DNAH9: variants seen among roughly 807,000 people sequenced by gnomAD.
The protein encoded by DNAH9 is DNAH9 variant protein.
Under a neutral mutation model 471.6 loss-of-function variants are expected in DNAH9, and 345 were observed. The ratio of observed to expected loss-of-function variants is 0.73; its 90% CI spans 0.67 to 0.80. The LOEUF is 0.80. Among genes scored for constraint, DNAH9 ranks in the 30% least tolerant of loss-of-function variants. The pLI is 0.00. For missense variants in DNAH9, 5,407 were observed against 5,609.2 expected (o/e 0.96, Z 1.15); for synonymous variants, 2,093 against 2,123.6 (o/e 0.99, Z 0.40).
At chr17:11,694,116 C>CT in intron 21 of DNAH9, 118 bp downstream of exon 21, 1 of 1,378,118 alleles carries the variant, frequency 7.3e-7, no homozygotes, top group Non-Finnish European at 1.0e-6. Flanking sequence ...CTTTCTTTGC[C>CT]TGTGTGTTTG....
intron 28 of DNAH9, among the ~76,000 whole-genome samples, chr17:11,732,157 T>C (rs1311703792): frequency 6.6e-6 from 1 of 152,212 alleles, no homozygotes; most frequent in African/African-American, 2.4e-5. Flanking sequence ...ATTTGCTTTA[T>C]TTTGAAGCTG....
At chr17:11,708,158 C>T (rs528460733) in intron 26 of DNAH9, among the ~76,000 whole-genome samples, 1 of 152,124 alleles carries the variant, frequency 6.6e-6, no homozygotes, top group South Asian at 2.1e-4. Flanking sequence ...GGAATGTAAA[C>T]CTCTAGCAAT....
At chr17:11,938,509 A>AT in intron 66 of DNAH9, among the ~76,000 whole-genome samples, 1 of 151,582 alleles carries the variant, frequency 6.6e-6, no homozygotes, top group Non-Finnish European at 1.5e-5. Flanking sequence ...TTTCTCCATG[A>AT]ATTTTTTTCT....
rs1972896731 is a variant in DNAH9, at chr17:11,886,894, A to G, written c.11041A>G (p.Arg3681Gly). Reference protein sequence around the residue: ...AREHYRPAAARASLLYFIMND... With the variant: ...AREHYRPAAAGASLLYFIMND... ...AGAGCACTACCGGCCAGCAGCTGCC[A>G]GGGCCTCACTGCTCTACTTCATCAT... is the stretch of plus-strand genomic sequence containing the variant. The change falls in exon 57 of 69, where the codon AGG becomes GGG. Residue 3681 changes from arginine (R) to glycine (G), a missense_variant. Physicochemically the swap from Arg to Gly is moderately radical, Grantham distance 125. Coordinates refer to ENST00000262442, the MANE Select transcript of DNAH9 (RefSeq NM_001372.4). 1.2e-6 allele frequency: 2 copies of G among 1,613,122 alleles called. No homozygotes were observed. Among genetic ancestry groups the G allele is most frequent in the Admixed American group, 1.7e-5 (1 of 59,848 alleles).
intron 61 of DNAH9, 50 bp from the exon 62 acceptor site, chr17:11,923,764 T>A: frequency 6.2e-7 from 1 of 1,603,542 alleles, no homozygotes; most frequent in South Asian, 1.1e-5. Flanking sequence ...ACATCAAACA[T>A]CCATCATTAG....
intron 10 of DNAH9, among the ~76,000 whole-genome samples, chr17:11,641,842 A>G (rs1314223943): frequency 6.6e-6 from 1 of 152,102 alleles, no homozygotes; most frequent in African/African-American, 2.4e-5. Context: ...ACTCATGAGG[A>G]AGGGAGGGGA....
At chr17:11,963,832 C>CA (rs926217692) in intron 68 of DNAH9, among the ~76,000 whole-genome samples, 12 of 151,854 alleles carry the variant, frequency 7.9e-5, no homozygotes, top group South Asian at 2.1e-4. Flanking sequence ...CAAATTACCT[C>CA]AAAAAAACAA....
intron 67 of DNAH9, among the ~76,000 whole-genome samples, chr17:11,951,462 C>T (rs546598505): frequency 2.6e-5 from 4 of 151,874 alleles, no homozygotes; most frequent in East Asian, 1.9e-4. Context: ...GGGTGGATCA[C>T]TTGAGGCCAG....
intron 67 of DNAH9, among the ~76,000 whole-genome samples, chr17:11,959,284 A>G (rs891480449): frequency 6.6e-6 from 1 of 152,210 alleles, no homozygotes; most frequent in African/African-American, 2.4e-5. Context: ...AGACATGGCT[A>G]CACAGATGGG....
chr17:11,945,133 C>G (rs1203478282), intron 67 of DNAH9, among the ~76,000 whole-genome samples: 1 of 152,156 alleles, frequency 6.6e-6, no homozygotes, highest in Non-Finnish European at 1.5e-5. Flanking sequence ...CGAGCTCTTC[C>G]CAGAACACTG....
rs1393130535 is a variant in DNAH9, at chr17:11,747,652, A to G, written c.6496A>G (p.Lys2166Glu). The change falls in exon 32 of 69, where the codon AAG becomes GAG. Residue 2166 changes from lysine (K) to glutamate (E), a missense_variant. By Grantham distance (56) the Lys-to-Glu change is moderately conservative. Around this residue, in one of 3 missense-constraint regions of DNAH9, gnomAD observed 4,636 missense variants for 4,900.3 expected, o/e 0.95. Coordinates refer to ENST00000262442, the MANE Select transcript of DNAH9 (RefSeq NM_001372.4). ...GTCACAGGTGCTGAGGTCCTTGCAC[A>G]AGACCTATCAGATCATGAAACGGCG... ...GKSQVLRSLH[K>E]TYQIMKRRPV... 2.5e-6 allele frequency: 4 copies of G among 1,614,168 alleles called. No individual in the cohort carries two copies. Among genetic ancestry groups the G allele is most frequent in the Non-Finnish European group, 3.4e-6 (4 of 1,180,038 alleles).
Position 11,876,774 on chromosome 17 carries a change from C to T in DNAH9, c.10478+1590C>T, listed in dbSNP as rs571457455. The stretch of plus-strand genomic sequence containing the variant: ...TCACTCTGTCACCCAGGCTGGAGTG[C>T]AGTGGTGCGATCTCAGCTCACTGCA... On this transcript the variant is annotated intron_variant, in intron 53 of 68. Transcript: ENST00000262442. 3.4e-4 allele frequency among the ~76,000 whole-genome samples: 52 copies of T among 152,260 alleles called. No homozygotes were observed. The South Asian group carries it at 0.011, about 31-fold the overall frequency.
chr17:11,834,503 T>C, intron 48 of DNAH9, 135 bp from the exon 49 acceptor site: 1 of 1,051,992 alleles, frequency 9.5e-7, no homozygotes, highest in South Asian at 1.7e-5. Flanking sequence ...TTTGTACCTT[T>C]GTATCAGGAG....
intron 49 of DNAH9, among the ~76,000 whole-genome samples, chr17:11,837,696 C>T (rs940584012): frequency 6.6e-6 from 1 of 152,204 alleles, no homozygotes. Context: ...TCAGAATCTT[C>T]CATGGTTTCC....
chr17:11,818,094 T>G lies in DNAH9; in HGVS notation c.8708-3826T>G, dbSNP rs117247846. Among the ~76,000 whole-genome samples the G allele has an allele frequency of 2.4e-3, 372 of 152,294 alleles. 5 individuals are homozygous for G. Among genetic ancestry groups the G allele is most frequent in the Non-Finnish European group, 2.8e-3 (192 of 68,020 alleles). On this transcript the variant is annotated intron_variant, in intron 45 of 68. Transcript: ENST00000262442. ...CTCACACTCTGATTATTACTGATCA[T>G]TTGCCAGACCACTCACTTTGAGGAC...
chr17:11,702,458 G>A (rs1185910369), intron 24 of DNAH9, among the ~76,000 whole-genome samples: 2 of 152,206 alleles, frequency 1.3e-5, no homozygotes, highest in African/African-American at 2.4e-5. Flanking sequence ...AAGCCATAGA[G>A]TAGATAAGAT....
intron 19 of DNAH9, among the ~76,000 whole-genome samples, chr17:11,688,161 C>G (rs2074272975): frequency 1.4e-5 from 2 of 145,120 alleles, no homozygotes; most frequent in South Asian, 2.3e-4. Context: ...GGGGAAAACA[C>G]TATGCAGGAA....
intron 20 of DNAH9, 110 bp from the exon 21 acceptor site, chr17:11,693,758 C>A: frequency 8.8e-7 from 1 of 1,135,634 alleles, no homozygotes; most frequent in Non-Finnish European, 1.3e-6. Context: ...AGTCTATTCT[C>A]TGTATTTGAC....
intron 1 of DNAH9, among the ~76,000 whole-genome samples, chr17:11,604,760 A>G (rs1287204965): frequency 6.6e-6 from 1 of 151,880 alleles, no homozygotes; most frequent in Non-Finnish European, 1.5e-5. Flanking sequence ...ATACCTTCAA[A>G]ATTTGTATGG....
Sources: allele counts gnomAD v4.1 joint callset (sites outside exome capture counted in the v4.1 genomes callset), GRCh38; gene constraint gnomAD v4.1.1; regional missense constraint gnomAD v4.1.1; transcripts MANE v1.5; gene names NCBI Gene and HGNC (gene_info 2026-07-23, HGNC 2026-07-21).